The following TXNRD1 variants were observed in gnomAD, a reference collection of about 807,000 sequenced individuals.
TXNRD1 encodes thioredoxin reductase 1, cytoplasmic.
A neutral mutation model predicts 80.3 loss-of-function variants in TXNRD1; 57 were observed. The ratio of observed to expected loss-of-function variants is 0.71; its 90% confidence interval spans 0.57 to 0.89. The LOEUF (loss-of-function observed/expected upper bound fraction) is 0.89, where lower values mean the gene tolerates loss of function less well. TXNRD1 is among the 40% of genes least tolerant of loss of function. The pLI, the probability that TXNRD1 is intolerant of heterozygous loss-of-function variation, is 0.00. For synonymous variants in TXNRD1, 291 were observed against 285.2 expected (o/e 1.02, Z -0.20); for missense variants, 730 against 803.0 (o/e 0.91, Z 1.10).
intron 16 of TXNRD1, among the ~76,000 whole-genome samples, chr12:104,345,810 G>A (rs2036469945): frequency 6.6e-6 from 1 of 152,044 alleles, no homozygotes; most frequent in African/African-American, 2.4e-5. Flanking sequence ...CTAAAGTGAG[G>A]GAGCCTTCTG....
chr12:104,229,347 C>T (rs889344103), intron 1 of TXNRD1, among the ~76,000 whole-genome samples: 5 of 150,698 alleles, frequency 3.3e-5, no homozygotes, highest in Non-Finnish European at 7.4e-5. Flanking sequence ...AGGGTTTCAC[C>T]GTGTTGCCCA....
At chr12:104,235,037 G>A (rs918585745) in intron 1 of TXNRD1, among the ~76,000 whole-genome samples, 9 of 152,190 alleles carry the variant, frequency 5.9e-5, no homozygotes, top group African/African-American at 2.2e-4. Context: ...CTGGGGGAAG[G>A]TGTTGGATAT....
chr12:104,285,900 G>A (rs937586050), intron 3 of TXNRD1: 1 of 152,160 alleles, frequency 6.6e-6, no homozygotes, highest in African/African-American at 2.4e-5. Context: ...AGAATCAGGT[G>A]AAACACTCAT....
chr12:104,293,953 G>A (rs879179426), intron 4 of TXNRD1, among the ~76,000 whole-genome samples: 4 of 152,302 alleles, frequency 2.6e-5, no homozygotes, highest in South Asian at 2.1e-4. Flanking sequence ...CCTGGCAGCC[G>A]AGGCAGAGAG....
chr12:104,345,970 A>G, intron 16 of TXNRD1: 1 of 1,288,882 alleles, frequency 7.8e-7, no homozygotes, highest in African/African-American at 1.5e-5. Context: ...TTTTATAAAA[A>G]TTCTAAAACA....
At chr12:104,224,935 G>C (rs1565851234) in intron 1 of TXNRD1, 1 of 456,420 alleles carries the variant, frequency 2.2e-6, no homozygotes, top group Non-Finnish European at 4.4e-6. Flanking sequence ...GTGAGAGAAT[G>C]CAGATTTTTT....
chr12:104,252,657 ATT>A (rs67054728), intron 2 of TXNRD1, among the ~76,000 whole-genome samples: 1,938 of 38,214 alleles, frequency 0.051, 85 homozygotes, highest in South Asian at 0.13. Flanking sequence ...TTAATTTATT[ATT>A]TTTTATATAT....
chr12:104,277,916 A>G (rs1275069174), intron 3 of TXNRD1, among the ~76,000 whole-genome samples: 1 of 142,066 alleles, frequency 7.0e-6, no homozygotes, highest in Non-Finnish European at 1.5e-5. Flanking sequence ...TCACTCTGTC[A>G]CCCAGGCTGG....
At chr12:104,276,576 C>A (rs938690469) in intron 3 of TXNRD1, 1 of 152,238 alleles carries the variant, frequency 6.6e-6, no homozygotes, top group Non-Finnish European at 1.5e-5. Flanking sequence ...CTTACACTCC[C>A]TTTCTTCTCT....
chr12:104,254,644 A>AAAAAAAAAAAAATATATATATATATAT, intron 2 of TXNRD1, among the ~76,000 whole-genome samples: 5 of 93,634 alleles, frequency 5.3e-5, no homozygotes, highest in East Asian at 5.4e-4. Flanking sequence ...AAAAAAAAAA[A>AAAAAAAAAAAAATATATATATATATAT]ATATATATAT....
intron 11 of TXNRD1, 81 bp downstream of exon 11, chr12:104,325,510 C>A: frequency 2.0e-6 from 2 of 980,304 alleles, no homozygotes; most frequent in Non-Finnish European, 3.2e-6. Flanking sequence ...CTTAAAATGG[C>A]TCTTAGTGAT....
intron 3 of TXNRD1, chr12:104,262,211 A>C (rs1383274978): frequency 6.7e-6 from 1 of 149,180 alleles, no homozygotes; most frequent in African/African-American, 2.5e-5. Context: ...CAGCCTGGGC[A>C]ACAAGAGCAA....
intron 1 of TXNRD1, among the ~76,000 whole-genome samples, chr12:104,220,737 A>C (rs2032332485): frequency 2.9e-5 from 1 of 34,828 alleles, no homozygotes. Context: ...AAAAAAAAAA[A>C]AACGGTGGGG....
At chr12:104,225,657 T>C (rs2032456817) in intron 1 of TXNRD1, among the ~76,000 whole-genome samples, 1 of 152,004 alleles carries the variant, frequency 6.6e-6, no homozygotes. Flanking sequence ...CCTTCTGCCA[T>C]GACTAAAAGT....
At chr12:104,340,185 TGA>T (rs2036274903) in intron 16 of TXNRD1, among the ~76,000 whole-genome samples, 1 of 152,254 alleles carries the variant, frequency 6.6e-6, no homozygotes, top group South Asian at 2.1e-4. Flanking sequence ...ATTAACATGT[TGA>T]GAGATTAGGG....
At chr12:104,314,828 A>T (rs146053642) in intron 6 of TXNRD1, among the ~76,000 whole-genome samples, 1 of 130,654 alleles carries the variant, frequency 7.7e-6, no homozygotes, top group South Asian at 2.3e-4. Flanking sequence ...TGCAACCTCC[A>T]CCTCCTGGGT....
intron 16 of TXNRD1, among the ~76,000 whole-genome samples, chr12:104,344,746 C>T (rs1241559994): frequency 1.3e-5 from 2 of 152,196 alleles, no homozygotes; most frequent in Non-Finnish European, 2.9e-5. Context: ...CCCTTACCAG[C>T]CTCTAGTAAT....
intron 4 of TXNRD1, chr12:104,304,336 C>A: frequency 6.2e-7 from 1 of 1,613,974 alleles, no homozygotes; most frequent in East Asian, 2.2e-5. Context: ...GGATGGAAGG[C>A]GATCCTGACA....
chr12:104,336,915 A>AGAAGAGCAATAC (rs1160780173), intron 15 of TXNRD1, among the ~76,000 whole-genome samples: 2 of 148,412 alleles, frequency 1.3e-5, no homozygotes, highest in South Asian at 2.1e-4. Flanking sequence ...TTCTCACACA[A>AGAAGAGCAATAC]TGTAGATACC....
Sources: gnomAD v4.1 joint callset for allele counts (sites outside exome capture counted in the v4.1 genomes callset) on GRCh38, gnomAD v4.1.1 for gene constraint, MANE v1.5 for transcripts, NCBI Gene and HGNC (gene_info 2026-07-23, HGNC 2026-07-21) for gene names.